The following CALY variants were observed in gnomAD, a reference collection of about 807,000 sequenced individuals.
CALY encodes the protein calcyon neuron specific vesicular protein.
CALY carries 15 observed loss-of-function variants against 20.2 expected under a neutral mutation model. The observed-to-expected ratio is 0.74, with a 90% CI of 0.50 to 1.14. The LOEUF is 1.14. CALY is among the 50% of genes most tolerant of loss of function. The pLI is 0.00. For synonymous variants in CALY, 129 were observed against 131.8 expected (o/e 0.98, Z 0.15); for missense variants, 270 against 304.4 (o/e 0.89, Z 0.84).
intron 1 of CALY, among the ~76,000 whole-genome samples, chr10:133,332,129 G>GA (rs34950354): frequency 1.4e-5 from 2 of 147,178 alleles, no homozygotes; most frequent in African/African-American, 5.0e-5. Flanking sequence ...CTCCGTCTGG[G>GA]AAAAAAAAAA....
Position 133,333,154 on chromosome 10 carries a change from C to CA in CALY, c.-21+3679dup, listed in dbSNP as rs544734715. 7.1e-4 allele frequency among the ~76,000 whole-genome samples: 107 copies of CA among 151,724 alleles called. No homozygotes were observed. In the East Asian group the frequency reaches 0.014, roughly 20 times the overall value. Reference sequence around the variant, plus strand: ...AACAGGAGCAAGGGACCCGCGGTCACAGAGCTTCTGCCCAGCTGCTGCCAC... The same window carrying CA: ...AACAGGAGCAAGGGACCCGCGGTCACAAGAGCTTCTGCCCAGCTGCTGCCAC... On this transcript the variant is annotated intron_variant, in intron 1 of 5. Coordinates refer to ENST00000252939, the MANE Select transcript of CALY (RefSeq NM_015722.4).
rs577869397 is a variant in CALY, at chr10:133,331,738, T to G, written c.-20-2729A>C. Among the ~76,000 whole-genome samples the G allele has an allele frequency of 6.6e-5, 10 of 152,326 alleles. 1 individual carries two copies. Among genetic ancestry groups the G allele is most frequent in the African/African-American group, 2.4e-4 (10 of 41,572 alleles). On this transcript the variant is annotated intron_variant, in intron 1 of 5. Transcript: ENST00000252939. ...CCCAATCTGTAGATGCAGTAAATCT[T>G]AAGCAAAATCCCAACAGGGTTTTTA...
Position 133,324,873 on chromosome 10 carries a change from G to T in CALY, c.*722C>A, listed in dbSNP as rs1201760796. ...CTTTCATCTGGCTCCAGGGACACGG[G>T]AGACCCCAGCCCCCAGGAACCAGAG... On this transcript the variant is annotated 3_prime_UTR_variant, in exon 6 of 6. Coordinates refer to ENST00000252939, the MANE Select transcript of CALY (RefSeq NM_015722.4). The T allele has an allele frequency of 3.5e-6, 1 of 289,810 alleles. No homozygotes were observed. The highest frequency in any genetic ancestry group is 6.8e-6 in the Non-Finnish European group (1 of 147,834). 18.0% of individuals were successfully genotyped at this position (289,810 alleles called of 1,614,324 possible). A position where few individuals can be genotyped will look rare whatever the true frequency, so the allele number is the denominator to read the frequency against.
intron 1 of CALY, among the ~76,000 whole-genome samples, chr10:133,333,361 C>A (rs1188813738): frequency 7.1e-4 from 1 of 1,414 alleles, no homozygotes; most frequent in African/African-American, 3.2e-3. Context: ...AAGGATTGCG[C>A]GGGTGGGGGT....
At position 133,325,848 on chromosome 10, in the gene CALY, C is replaced by A; in HGVS notation, c.633G>T (p.Ala211=). Residue 211 remains alanine, a synonymous_variant, in exon 5 of 6, where the codon GCG becomes GCT. Coordinates refer to ENST00000252939, the MANE Select transcript of CALY (RefSeq NM_015722.4). ...GACGTCACTGCGCGGGCGGGGGCGCCGCGCTCCCGGCCGCCTTCCGCGCCG... is the reference window on the plus strand; with the variant it reads ...GACGTCACTGCGCGGGCGGGGGCGCAGCGCTCCCGGCCGCCTTCCGCGCCG... ...KEAARKAAGS[A]APPPAQ The A allele has an allele frequency of 8.1e-7, 1 of 1,232,438 alleles. No individual in the cohort carries two copies. Among genetic ancestry groups the A allele is most frequent in the South Asian group, 3.7e-5 (1 of 27,036 alleles). 76.3% of individuals were successfully genotyped at this position (1,232,438 alleles called of 1,614,324 possible).
chr10:133,327,977 G>A lies in CALY; in HGVS notation c.174C>T (p.Ser58=). The change falls in exon 3 of 6, where the codon TCC becomes TCT. Residue 58 remains serine, a synonymous_variant. Transcript: ENST00000252939. Reference sequence around the variant, plus strand: ...GGTCAGGGAAATTCTGCTGGTCTGGGGAGGACAGCTGGTATTCTGTCTGTG... The same window carrying A: ...GGTCAGGGAAATTCTGCTGGTCTGGAGAGGACAGCTGGTATTCTGTCTGTG... ...IKTQTEYQLS[S]PDQQNFPDLE... is the part of the protein sequence containing the mutation. 2 of 1,612,590 alleles carry A rather than the reference G, an allele frequency of 1.2e-6. No homozygotes were observed. The highest frequency in any genetic ancestry group is 1.1e-5 in the South Asian group (1 of 90,702).
chr10:133,328,821 TGAGAAGGG>T, intron 2 of CALY, 26 bp downstream of exon 2: 1 of 1,525,034 alleles, frequency 6.6e-7, no homozygotes, highest in South Asian at 1.2e-5. Context: ...CAGGGGAGCC[TGAGAAGGG>T]CCCCCACGCT....
chr10:133,324,477 G>T lies in CALY; in HGVS notation c.*1118C>A. The stretch of plus-strand genomic sequence containing the variant: ...CAATGGTCGGGGGCTGGGGTGGGCG[G>T]GGCTGCAGAGCCGCTGCTGGCTGGG... On this transcript the variant is annotated 3_prime_UTR_variant, in exon 6 of 6. Coordinates refer to ENST00000252939, the MANE Select transcript of CALY (RefSeq NM_015722.4). The T allele has an allele frequency of 2.3e-6, 1 of 443,126 alleles. No individual in the cohort carries two copies. Among genetic ancestry groups the T allele is most frequent in the Non-Finnish European group, 4.5e-6 (1 of 221,472 alleles). The allele number at this position is 443,126 out of a possible 1,614,324, so 27.4% of individuals were successfully genotyped here.
rs549430070 is a variant in CALY, at chr10:133,329,392, C to CTTCTTTTTTTT, written c.-20-384_-20-383insAAAAAAAAGAA. 5.1e-5 allele frequency among the ~76,000 whole-genome samples: 7 copies of CTTCTTTTTTTT among 137,458 alleles called. 1 individual carries two copies. The East Asian group carries it at 6.1e-4, about 12-fold the overall frequency. The allele number at this position is 137,458 out of a possible 152,430, so 90.2% of individuals were successfully genotyped here. On this transcript the variant is annotated intron_variant, in intron 1 of 5. Coordinates refer to ENST00000252939, the MANE Select transcript of CALY (RefSeq NM_015722.4). ...TCTTATTCTCCTTCTTCTTCTTCTTCTTTTTTTTTTTTGAGACAGGATCTT... is the reference window on the plus strand; with the variant it reads ...TCTTATTCTCCTTCTTCTTCTTCTTCTTCTTTTTTTTTTTTTTTTTTTTGAGACAGGATCTT...
At position 133,325,544 on chromosome 10, in the gene CALY, G is replaced by A. The variant is rs1311464166; in HGVS notation, c.*51C>T. Reference sequence around the variant, plus strand: ...GCGGAGAGCATCGGGAGACGCGCTGGTCACAGGAGCTGGCGGAGGACGCTG... The same window carrying A: ...GCGGAGAGCATCGGGAGACGCGCTGATCACAGGAGCTGGCGGAGGACGCTG... On this transcript the variant is annotated 3_prime_UTR_variant, in exon 6 of 6. Coordinates refer to ENST00000252939, the MANE Select transcript of CALY (RefSeq NM_015722.4). 3.9e-6 allele frequency: 1 copy of A among 256,292 alleles called. No homozygotes were observed. Among genetic ancestry groups the A allele is most frequent in the Non-Finnish European group, 7.3e-6 (1 of 136,254 alleles). 15.9% of individuals were successfully genotyped at this position (256,292 alleles called of 1,614,324 possible).
chr10:133,335,527 T>C (rs554915624), intron 1 of CALY, among the ~76,000 whole-genome samples: 12 of 152,214 alleles, frequency 7.9e-5, no homozygotes, highest in African/African-American at 1.7e-4. Context: ...GAAAAAGCCA[T>C]TGGGGGCCCA....
chr10:133,327,329 G>T lies in CALY; in HGVS notation c.247-338C>A, dbSNP rs577069187. ...AGGGGATGGGGCCGCAGCCTCAGGG[G>T]AGTCGGAGGCTGCACTCACCAGGCC... On this transcript the variant is annotated intron_variant, in intron 3 of 5. Coordinates refer to ENST00000252939, the MANE Select transcript of CALY (RefSeq NM_015722.4). The T allele has an allele frequency of 1.9e-3, 955 of 497,308 alleles. 11 individuals carry two copies. The highest frequency in any genetic ancestry group is 0.016 in the African/African-American group (826 of 52,140). 30.8% of individuals were successfully genotyped at this position (497,308 alleles called of 1,614,324 possible).
intron 3 of CALY, 98 bp downstream of exon 3, chr10:133,327,807 C>T (rs779934454): frequency 2.5e-6 from 2 of 805,894 alleles, no homozygotes; most frequent in Non-Finnish European, 2.1e-6. Context: ...AGCAAGGGGA[C>T]CCCAGACTGG....
In CALY at chr10:133,326,834, G is replaced by A. The variant is rs372411264; in HGVS notation, c.360+44C>T. Reference sequence around the variant, plus strand: ...ACCCCCTGCCTGGAGGCTACGGGAGGAGGGGCGGCTCTACACCCCCCACCA... The same window carrying A: ...ACCCCCTGCCTGGAGGCTACGGGAGAAGGGGCGGCTCTACACCCCCCACCA... On this transcript the variant is annotated intron_variant, in intron 4 of 5. Coordinates refer to ENST00000252939, the MANE Select transcript of CALY (RefSeq NM_015722.4). The A allele has an allele frequency of 3.8e-6, 5 of 1,331,976 alleles. No homozygotes were observed. The Admixed American group carries it at 7.7e-5, about 21-fold the overall frequency. The allele number at this position is 1,331,976 out of a possible 1,614,324, so 82.5% of individuals were successfully genotyped here.
intron 1 of CALY, among the ~76,000 whole-genome samples, chr10:133,329,210 C>T (rs1848262089): frequency 6.6e-6 from 1 of 152,164 alleles, no homozygotes; most frequent in Non-Finnish European, 1.5e-5. Context: ...CTTCTTGACC[C>T]CCACAGCCCC....
chr10:133,326,800 A>G, intron 4 of CALY, 78 bp downstream of exon 4: 1 of 883,402 alleles, frequency 1.1e-6, no homozygotes, highest in East Asian at 2.6e-5. Context: ...AGCAGGAGAC[A>G]CCCCTGCCAC....
At chr10:133,331,553 G>A (rs567215321) in intron 1 of CALY, among the ~76,000 whole-genome samples, 47 of 152,244 alleles carry the variant, frequency 3.1e-4, no homozygotes, top group Non-Finnish European at 3.4e-4. Flanking sequence ...TCAGGAATAG[G>A]TGTAAAAAGA....
chr10:133,336,892 TGGATGCGGA>T (rs376063375), exon 1 of CALY: 1 of 152,258 alleles, frequency 6.6e-6, no homozygotes, highest in Non-Finnish European at 1.5e-5. Flanking sequence ...GATGCGGATG[TGGATGCGGA>T]GGATGCGGTT....
chr10:133,327,380 G>A (rs1848231664), intron 3 of CALY: 1 of 509,550 alleles, frequency 2.0e-6, no homozygotes, highest in Non-Finnish European at 3.5e-6. Context: ...CACAGTGGGT[G>A]CATGTGTGGT....
Sources: gnomAD v4.1 joint callset for allele counts (sites outside exome capture counted in the v4.1 genomes callset) on GRCh38, gnomAD v4.1.1 for gene constraint, MANE v1.5 for transcripts, NCBI Gene and HGNC (gene_info 2026-07-23, HGNC 2026-07-21) for gene names.